Variants in PPP4R3B observed in about 807,000 individuals in gnomAD.
The protein encoded by PPP4R3B is protein phosphatase 4 regulatory subunit 3B, also known as serine/threonine-protein phosphatase 4 regulatory subunit 3B.
In PPP4R3B, 52 loss-of-function variants were observed where a neutral mutation model predicts 95.4. The ratio of observed to expected loss-of-function variants is 0.54; its 90% CI spans 0.44 to 0.69. PPP4R3B has a LOEUF of 0.69. Ranked by LOEUF, PPP4R3B falls within the 30% of genes least tolerant of loss-of-function variation. The pLI is 0.00. For synonymous variants in PPP4R3B, 407 were observed against 343.9 expected, an observed-to-expected ratio of 1.18 and a Z score of -2.03; for missense variants, 1,003 against 1,005.9, an observed-to-expected ratio of 1.00 and a Z score of 0.04.
intron 16 of PPP4R3B, among the ~76,000 whole-genome samples, 183 bp from the exon 17 acceptor site, chr2:55,550,189 T>C (rs540166160): frequency 1.3e-5 from 2 of 152,350 alleles, no homozygotes; most frequent in East Asian, 3.9e-4. Context: ...TTGGTAGCAC[T>C]TGCAGTAACC....
At chr2:55,577,661 AG>A (rs1688868706) in intron 10 of PPP4R3B, among the ~76,000 whole-genome samples, 1 of 152,168 alleles carries the variant, frequency 6.6e-6, no homozygotes. Flanking sequence ...TTCAACAATT[AG>A]GGTATTTCTC....
chr2:55,579,401 C>T (rs1689133499), intron 9 of PPP4R3B, among the ~76,000 whole-genome samples: 1 of 3,122 alleles, frequency 3.2e-4, no homozygotes, highest in African/African-American at 1.5e-3. Context: ...CTGTTTGCCA[C>T]ATTTTCTTTT....
intron 3 of PPP4R3B, among the ~76,000 whole-genome samples, chr2:55,600,720 C>T (rs961509419): frequency 6.6e-6 from 1 of 150,660 alleles, no homozygotes; most frequent in Admixed American, 6.6e-5. Flanking sequence ...ATATCCCTTC[C>T]AAAGGTGGAA....
intron 12 of PPP4R3B, 60 bp from the exon 13 acceptor site, chr2:55,568,423 G>T: frequency 7.3e-7 from 1 of 1,374,082 alleles, no homozygotes; most frequent in Non-Finnish European, 9.7e-7. Flanking sequence ...TTATTATACA[G>T]GTGTTTTTCC....
intron 4 of PPP4R3B, among the ~76,000 whole-genome samples, chr2:55,590,991 G>T (rs1037592354): frequency 2.6e-5 from 4 of 152,202 alleles, no homozygotes; most frequent in Non-Finnish European, 5.9e-5. Flanking sequence ...GACTCAGAAT[G>T]TGTCTGAGTC....
At chr2:55,582,996 G>A (rs1346508804) in intron 7 of PPP4R3B, among the ~76,000 whole-genome samples, 2 of 151,932 alleles carry the variant, frequency 1.3e-5, no homozygotes, top group Admixed American at 6.6e-5. Context: ...AATGACTACA[G>A]TAAAAAATGT....
intron 12 of PPP4R3B, among the ~76,000 whole-genome samples, chr2:55,570,433 C>T (rs917074692): frequency 6.6e-6 from 1 of 152,110 alleles, no homozygotes; most frequent in Non-Finnish European, 1.5e-5. Flanking sequence ...CATTTTAGGA[C>T]ACTGAAAAGA....
Position 55,617,197 on chromosome 2 carries a change from G to T in PPP4R3B, c.89C>A (p.Thr30Asn). Residue 30 changes from threonine (T) to asparagine (N), a missense_variant, in exon 1 of 17, where the codon ACT becomes AAT. Physicochemically the swap from Thr to Asn is moderately conservative, Grantham distance 65 (BLOSUM62 0). This residue lies in a region of PPP4R3B where 695 missense variants were observed against 686.2 expected (regional missense o/e 1.01). Coordinates refer to ENST00000616407, the MANE Select transcript of PPP4R3B (RefSeq NM_001122964.3). ...DDRGTGHVSS[T>N]YVEELKGMSL... ...CATCCCCTTGAGCTCCTCCACGTAA[G>T]TGGAGGAGACGTGCCCGGTGCCTCG... 1.9e-6 allele frequency: 3 copies of T among 1,614,004 alleles called. No individual in the cohort carries two copies. Among genetic ancestry groups the T allele is most frequent in the Non-Finnish European group, 2.5e-6 (3 of 1,179,900 alleles).
intron 9 of PPP4R3B, among the ~76,000 whole-genome samples, chr2:55,579,131 A>T (rs1050883058): frequency 9.9e-5 from 15 of 152,134 alleles, no homozygotes; most frequent in Admixed American, 5.2e-4. Context: ...CCATTTTAAT[A>T]AACTGAAAAC....
At chr2:55,602,449 G>A (rs12998664) in intron 3 of PPP4R3B, among the ~76,000 whole-genome samples, 22,673 of 152,110 alleles carry the variant, frequency 0.15, 1,856 homozygotes, top group East Asian at 0.29. Context: ...TGTTTACCTG[G>A]GGGACTTCAC....
intron 16 of PPP4R3B, among the ~76,000 whole-genome samples, chr2:55,557,497 T>C (rs1172280180): frequency 6.6e-6 from 1 of 152,250 alleles, no homozygotes; most frequent in African/African-American, 2.4e-5. Context: ...CTTAATGTAG[T>C]GTCACAATAT....
In PPP4R3B at chr2:55,581,055, C is replaced by T. The variant is rs978891521; in HGVS notation, c.1365+512G>A. 2.0e-4 allele frequency among the ~76,000 whole-genome samples: 30 copies of T among 152,158 alleles called. 1 individual carries two copies. The highest frequency in any genetic ancestry group is 6.0e-4 in the African/African-American group (25 of 41,508). ...ATCACCTGAGGTCAGGGGTTCAAGA[C>T]CAGCCTGACCAACATGATGAAACCC... On this transcript the variant is annotated intron_variant, in intron 8 of 16. Transcript: ENST00000616407.
At chr2:55,560,386 C>T (rs375691796) in intron 15 of PPP4R3B, among the ~76,000 whole-genome samples, 42 of 152,284 alleles carry the variant, frequency 2.8e-4, no homozygotes, top group Admixed American at 9.2e-4. Flanking sequence ...AAGAGACTGG[C>T]GGCATTTTGC....
chr2:55,569,722 C>G (rs1204365508), intron 12 of PPP4R3B, among the ~76,000 whole-genome samples: 1 of 152,140 alleles, frequency 6.6e-6, no homozygotes, highest in Non-Finnish European at 1.5e-5. Flanking sequence ...AACATCAGCG[C>G]AGCCTGGCAT....
At chr2:55,565,294 A>G (rs1374422362) in intron 13 of PPP4R3B, among the ~76,000 whole-genome samples, 1 of 141,922 alleles carries the variant, frequency 7.0e-6, no homozygotes, top group African/African-American at 2.7e-5. Flanking sequence ...GATTTATTTT[A>G]CATCTTCTAT....
chr2:55,592,582 T>C (rs79480108), intron 4 of PPP4R3B, among the ~76,000 whole-genome samples: 1 of 152,272 alleles, frequency 6.6e-6, no homozygotes, highest in African/African-American at 2.4e-5. Context: ...GATGGGAAGT[T>C]AGAAATTTTT....
chr2:55,603,996 G>T lies in PPP4R3B; in HGVS notation c.279C>A (p.Ile93=), dbSNP rs752636878. The change falls in exon 3 of 17, where the codon ATC becomes ATA. Residue 93 remains isoleucine (I), a synonymous_variant. Coordinates refer to ENST00000616407, the MANE Select transcript of PPP4R3B (RefSeq NM_001122964.3). The part of the protein sequence containing the change: ...SFQEKAGCDE[I]WEKICQVQGK... ...AACTTACCTGACAAATTTTTTCCCA[G>T]ATCTCATCACAGCCAGCTTTCTCCT... 1.2e-6 allele frequency: 2 copies of T among 1,606,932 alleles called. No individual in the cohort carries two copies. Among genetic ancestry groups the T allele is most frequent in the African/African-American group, 1.3e-5 (1 of 74,720 alleles).
rs1293762633 is a variant in PPP4R3B at position 55,602,551 on chromosome 2, T to C, written c.297+1427A>G. 2.0e-5 allele frequency among the ~76,000 whole-genome samples: 3 copies of C among 152,298 alleles called. No individual in the cohort carries two copies. The East Asian group carries it at 5.8e-4, about 29-fold the overall frequency. On this transcript the variant is annotated intron_variant, in intron 3 of 16. Transcript: ENST00000616407. The stretch of plus-strand genomic sequence containing the variant: ...GACCTCTGGAGGTGCTGGAATAAGG[T>C]CAGCCACACAGGCGGTCAGCCATGC...
At chr2:55,560,774 C>T (rs141341529) in intron 15 of PPP4R3B, among the ~76,000 whole-genome samples, 1 of 85,638 alleles carries the variant, frequency 1.2e-5, no homozygotes, top group Admixed American at 1.5e-4. Flanking sequence ...GAGACTCCAT[C>T]TCAGAAAAAA....
Sources: allele counts gnomAD v4.1 joint callset (sites outside exome capture counted in the v4.1 genomes callset), GRCh38; gene constraint gnomAD v4.1.1; regional missense constraint gnomAD v4.1.1; transcripts MANE v1.5; gene names NCBI Gene and HGNC (gene_info 2026-07-23, HGNC 2026-07-21).